SMYD3: variants seen among roughly 807,000 people sequenced by gnomAD.
SMYD3 encodes SET and MYND domain containing 3.
A neutral mutation model predicts 57.7 loss-of-function variants in SMYD3; 36 were observed. That is an observed-to-expected ratio of 0.62 (90% CI 0.48 to 0.82). The LOEUF is 0.82. Among genes scored for constraint, SMYD3 ranks in the 40% least tolerant of loss-of-function variants. The pLI, the probability that SMYD3 is intolerant of heterozygous loss-of-function variation, is 0.00. For synonymous variants in SMYD3, 211 were observed against 195.0 expected (o/e 1.08, Z -0.68); for missense variants, 515 against 538.8 (o/e 0.96, Z 0.44).
intron 5 of SMYD3, among the ~76,000 whole-genome samples, chr1:246,131,146 A>AT (rs1175679324): frequency 1.3e-5 from 2 of 152,210 alleles, no homozygotes; most frequent in Non-Finnish European, 2.9e-5. Flanking sequence ...TCTCACAGTC[A>AT]TAATTACTTA....
intron 5 of SMYD3, among the ~76,000 whole-genome samples, chr1:246,086,184 A>G (rs780118622): frequency 6.6e-6 from 1 of 152,042 alleles, no homozygotes; most frequent in Admixed American, 6.6e-5. Context: ...CCACCACAGC[A>G]TACCTTTCTT....
chr1:245,800,370 G>A (rs2047797531), intron 10 of SMYD3, among the ~76,000 whole-genome samples: 1 of 151,890 alleles, frequency 6.6e-6, no homozygotes, highest in South Asian at 2.1e-4. Context: ...TGGTAATGAT[G>A]TCATTGTCTC....
At chr1:246,020,108 C>A (rs953173644) in intron 5 of SMYD3, among the ~76,000 whole-genome samples, 1 of 152,178 alleles carries the variant, frequency 6.6e-6, no homozygotes, top group Admixed American at 6.5e-5. Context: ...TTATGGGGTC[C>A]GTCTGAACGT....
intron 5 of SMYD3, among the ~76,000 whole-genome samples, chr1:245,971,012 G>A (rs905007005): frequency 1.3e-5 from 2 of 152,120 alleles, no homozygotes; most frequent in African/African-American, 4.8e-5. Context: ...GTTTATTGCG[G>A]CACTATTCAC....
intron 11 of SMYD3, among the ~76,000 whole-genome samples, chr1:245,751,529 A>AGAGT (rs1169199795): frequency 7.1e-6 from 1 of 141,152 alleles, no homozygotes; most frequent in Non-Finnish European, 1.6e-5. Flanking sequence ...TGAGAGAGAG[A>AGAGT]GAAAGAGAGA....
At chr1:245,797,060 T>C (rs1486993633) in intron 10 of SMYD3, among the ~76,000 whole-genome samples, 1 of 152,184 alleles carries the variant, frequency 6.6e-6, no homozygotes. Flanking sequence ...GTAGTGTAAA[T>C]ACAAAGTTTT....
intron 5 of SMYD3, among the ~76,000 whole-genome samples, chr1:246,195,209 G>C (rs764546555): frequency 8.5e-5 from 13 of 152,158 alleles, no homozygotes; most frequent in Non-Finnish European, 1.9e-4. Flanking sequence ...CTGAGGTTTT[G>C]CTTGCCCAGG....
chr1:246,464,104 T>C (rs1209616195), intron 1 of SMYD3, among the ~76,000 whole-genome samples: 2 of 152,164 alleles, frequency 1.3e-5, no homozygotes, highest in Non-Finnish European at 2.9e-5. Context: ...TACAGTAGCC[T>C]TAAGAAGTGT....
chr1:246,222,307 T>C (rs2063268395), intron 5 of SMYD3, among the ~76,000 whole-genome samples: 1 of 152,156 alleles, frequency 6.6e-6, no homozygotes, highest in Non-Finnish European at 1.5e-5. Context: ...AAGAAATAGA[T>C]ATTACAGGTA....
At chr1:245,751,050 T>C (rs919403198) in intron 11 of SMYD3, among the ~76,000 whole-genome samples, 1 of 152,236 alleles carries the variant, frequency 6.6e-6, no homozygotes, top group African/African-American at 2.4e-5. Context: ...TAACATCAAC[T>C]ACTCATGATT....
At chr1:246,171,250 T>A (rs180715040) in intron 5 of SMYD3, among the ~76,000 whole-genome samples, 1 of 152,236 alleles carries the variant, frequency 6.6e-6, no homozygotes, top group Non-Finnish European at 1.5e-5. Flanking sequence ...ATAAAAGATA[T>A]CAAGTTTATC....
intron 8 of SMYD3, among the ~76,000 whole-genome samples, chr1:245,885,376 C>G (rs1197046504): frequency 6.6e-6 from 1 of 152,182 alleles, no homozygotes; most frequent in Non-Finnish European, 1.5e-5. Flanking sequence ...GTAGCCTTTT[C>G]TTATTGGCAC....
At chr1:245,777,102 A>G (rs2046636251) in intron 10 of SMYD3, among the ~76,000 whole-genome samples, 1 of 152,216 alleles carries the variant, frequency 6.6e-6, no homozygotes. Flanking sequence ...ATGGACAACC[A>G]TGAATAGGTC....
intron 5 of SMYD3, among the ~76,000 whole-genome samples, chr1:246,325,518 T>C (rs1200672783): frequency 6.6e-6 from 1 of 152,006 alleles, no homozygotes; most frequent in East Asian, 1.9e-4. Flanking sequence ...ATAACAAATA[T>C]TATGTGGGGA....
chr1:246,463,488 G>A (rs1489178919), intron 1 of SMYD3, among the ~76,000 whole-genome samples: 2 of 151,994 alleles, frequency 1.3e-5, no homozygotes, highest in Non-Finnish European at 2.9e-5. Context: ...GCTCCTCTGA[G>A]ATATCTAAGT....
intron 5 of SMYD3, among the ~76,000 whole-genome samples, chr1:246,207,516 G>T (rs994294597): frequency 2.6e-5 from 4 of 152,138 alleles, no homozygotes; most frequent in African/African-American, 9.7e-5. Flanking sequence ...CTAAATAAAG[G>T]TGATGTGGAA....
intron 5 of SMYD3, chr1:246,111,375 A>G (rs769257040): frequency 5.9e-5 from 9 of 151,990 alleles, no homozygotes; most frequent in Non-Finnish European, 8.8e-5. Flanking sequence ...AGCATAGCAG[A>G]AAAAAAAGCC....
intron 5 of SMYD3, among the ~76,000 whole-genome samples, chr1:246,012,269 T>C (rs907953051): frequency 1.3e-5 from 2 of 152,192 alleles, no homozygotes; most frequent in African/African-American, 4.8e-5. Flanking sequence ...ATGTTTTCAA[T>C]AAATTATTTT....
intron 1 of SMYD3, among the ~76,000 whole-genome samples, chr1:246,405,772 T>C (rs1313545044): frequency 1.3e-5 from 2 of 151,570 alleles, no homozygotes; most frequent in Non-Finnish European, 2.9e-5. Context: ...TAGCCGGGCG[T>C]GGTGGCGGGC....
Sources: allele counts gnomAD v4.1 joint callset (sites outside exome capture counted in the v4.1 genomes callset), GRCh38; gene constraint gnomAD v4.1.1; transcripts MANE v1.5; gene names NCBI Gene and HGNC (gene_info 2026-07-23, HGNC 2026-07-21).